CDH4: variants seen among roughly 807,000 people sequenced by gnomAD.
CDH4 encodes the protein cadherin 4, also known as cadherin-4.
Under a neutral mutation model 86.0 loss-of-function variants are expected in CDH4, and 33 were observed. That is an observed-to-expected ratio of 0.38 (90% CI 0.29 to 0.51). The LOEUF is 0.51. Among genes scored for constraint, CDH4 ranks in the 20% least tolerant of loss-of-function variants. The probability of loss-of-function intolerance (pLI) is 0.86; values close to 1 mark genes in which losing one functional copy is unlikely to be tolerated. For missense variants in CDH4, 1,114 were observed against 1,307.4 expected (o/e 0.85, Z 2.28); for synonymous variants, 555 against 549.4 (o/e 1.01, Z -0.14).
At position 61,846,118 on chromosome 20, in the gene CDH4, G is replaced by T. The variant is rs530612008; in HGVS notation, c.732+1295G>T. On this transcript the variant is annotated intron_variant, in intron 5 of 15. Transcript: ENST00000614565. ...CCCCTGAGGCACCGTCTGAAGCAGG[G>T]TCGGAGCTGGATGGATCCTGGGGAG... Among the ~76,000 whole-genome samples the T allele has an allele frequency of 2.0e-5, 3 of 152,356 alleles. No homozygotes were observed. In the East Asian group the frequency reaches 5.8e-4, roughly 29 times the overall value.
Position 61,479,411 on chromosome 20 carries a change from C to G in CDH4, c.169+224474C>G, listed in dbSNP as rs1247794496. Among the ~76,000 whole-genome samples, 3 of 142,896 alleles carry G rather than the reference C, an allele frequency of 2.1e-5. No homozygotes were observed. The Admixed American group carries it at 2.2e-4, about 10-fold the overall frequency. The allele number at this position is 142,896 out of a possible 152,430, so 93.7% of individuals were successfully genotyped here. On this transcript the variant is annotated intron_variant, in intron 2 of 15. Transcript: ENST00000614565. Reference sequence around the variant, plus strand: ...ATTCCCCTTCCTGTGTCCATGTGTTCTCATTGTTCAATTCCCACCTATGAG... The same window carrying G: ...ATTCCCCTTCCTGTGTCCATGTGTTGTCATTGTTCAATTCCCACCTATGAG...
At chr20:61,574,648 G>A (rs2086369087) in intron 2 of CDH4, among the ~76,000 whole-genome samples, 1 of 152,194 alleles carries the variant, frequency 6.6e-6, no homozygotes, top group African/African-American at 2.4e-5. Flanking sequence ...CACTGAGAAG[G>A]TGCCACCTCC....
intron 2 of CDH4, among the ~76,000 whole-genome samples, chr20:61,740,005 C>A (rs1424337650): frequency 6.6e-6 from 1 of 152,202 alleles, no homozygotes; most frequent in African/African-American, 2.4e-5. Context: ...TACATGGGCA[C>A]TTTTCTGTTG....
At chr20:61,253,169 C>A (rs1237855804) in intron 1 of CDH4, among the ~76,000 whole-genome samples, 2 of 151,324 alleles carry the variant, frequency 1.3e-5, no homozygotes, top group Admixed American at 1.3e-4. Flanking sequence ...CTCTCACCCC[C>A]GAGCCCTCGG....
chr20:61,868,234 G>A (rs1296261540), intron 6 of CDH4, among the ~76,000 whole-genome samples: 1 of 152,212 alleles, frequency 6.6e-6, no homozygotes, highest in Non-Finnish European at 1.5e-5. Flanking sequence ...CCCCTTCCCA[G>A]GGCGGGCATC....
intron 2 of CDH4, among the ~76,000 whole-genome samples, chr20:61,581,373 G>A (rs1430569458): frequency 6.6e-6 from 1 of 152,194 alleles, no homozygotes. Flanking sequence ...AGAGGGTCAG[G>A]AGGGATGGCT....
intron 2 of CDH4, among the ~76,000 whole-genome samples, chr20:61,456,808 TTA>T (rs2085409279): frequency 2.0e-5 from 3 of 152,134 alleles, no homozygotes; most frequent in African/African-American, 7.2e-5. Flanking sequence ...ATTAGTATGA[TTA>T]TATGTGCTTA....
chr20:61,498,889 C>T (rs943276905), intron 2 of CDH4, among the ~76,000 whole-genome samples: 13 of 152,212 alleles, frequency 8.5e-5, no homozygotes, highest in Non-Finnish European at 1.6e-4. Context: ...TAGCCCTTTA[C>T]TCCAGCTGTC....
intron 2 of CDH4, among the ~76,000 whole-genome samples, chr20:61,423,882 C>T (rs2085194195): frequency 6.7e-6 from 1 of 149,988 alleles, no homozygotes; most frequent in Non-Finnish European, 1.5e-5. Flanking sequence ...GCGGCATCCT[C>T]AGCCTCATAC....
chr20:61,469,302 G>A (rs2145566970), intron 2 of CDH4, among the ~76,000 whole-genome samples: 1 of 152,310 alleles, frequency 6.6e-6, no homozygotes, highest in East Asian at 1.9e-4. Flanking sequence ...GCATTTCTGT[G>A]ATGAGCAGTG....
rs573165661 is a variant in CDH4, at chr20:61,484,430, C to T, written c.169+229493C>T. 9.2e-5 allele frequency among the ~76,000 whole-genome samples: 14 copies of T among 152,328 alleles called. No individual in the cohort carries two copies. In the South Asian group the frequency reaches 1.9e-3, roughly 20 times the overall value. On this transcript the variant is annotated intron_variant, in intron 2 of 15. Coordinates refer to ENST00000614565, the MANE Select transcript of CDH4 (RefSeq NM_001794.5). ...ATATCTGCAGTGCCCTCACTGGGCACGAGCTGCATCGCTGTTTCTCCAGCC... is the reference window on the plus strand; with the variant it reads ...ATATCTGCAGTGCCCTCACTGGGCATGAGCTGCATCGCTGTTTCTCCAGCC...
intron 8 of CDH4, 103 bp downstream of exon 8, chr20:61,895,150 C>A: frequency 1.4e-6 from 2 of 1,387,132 alleles, no homozygotes; most frequent in Non-Finnish European, 9.9e-7. Flanking sequence ...GCCTGACGGG[C>A]ACTTGGCAGA....
chr20:61,740,705 C>T (rs2088322221), intron 2 of CDH4: 1 of 152,356 alleles, frequency 6.6e-6, no homozygotes, highest in Non-Finnish European at 1.5e-5. Context: ...CCAGTGACAA[C>T]TCCTGTTTTC....
intron 2 of CDH4, among the ~76,000 whole-genome samples, chr20:61,686,649 G>A (rs934934562): frequency 2.0e-5 from 3 of 150,626 alleles, no homozygotes; most frequent in Admixed American, 1.3e-4. Context: ...GTGCATTCGC[G>A]TGTGTGCATT....
At chr20:61,493,547 A>G (rs1600710944) in intron 2 of CDH4, among the ~76,000 whole-genome samples, 1 of 152,234 alleles carries the variant, frequency 6.6e-6, no homozygotes, top group East Asian at 1.9e-4. Flanking sequence ...CTTCTCCTTC[A>G]CAATGGCTGG....
intron 3 of CDH4, among the ~76,000 whole-genome samples, chr20:61,757,209 G>A (rs529029720): frequency 2.6e-5 from 4 of 151,736 alleles, no homozygotes; most frequent in Admixed American, 6.6e-5. Flanking sequence ...ATCTCCACGC[G>A]TGTTTCTCCA....
At chr20:61,841,010 C>T (rs1001315788) in intron 4 of CDH4, among the ~76,000 whole-genome samples, 1 of 152,260 alleles carries the variant, frequency 6.6e-6, no homozygotes, top group East Asian at 1.9e-4. Context: ...CATTAAATTT[C>T]CCTATGAAAG....
At chr20:61,321,776 C>T (rs2084509785) in intron 2 of CDH4, among the ~76,000 whole-genome samples, 1 of 152,174 alleles carries the variant, frequency 6.6e-6, no homozygotes, top group Non-Finnish European at 1.5e-5. Context: ...CAACAGATGA[C>T]TTAGTTTCCA....
chr20:61,370,865 T>C (rs2084836258), intron 2 of CDH4: 1 of 151,518 alleles, frequency 6.6e-6, no homozygotes, highest in African/African-American at 2.5e-5. Context: ...AGCTCACTGA[T>C]GAACGAGCCT....
Sources: gnomAD v4.1 joint callset for allele counts (sites outside exome capture counted in the v4.1 genomes callset) on GRCh38, gnomAD v4.1.1 for gene constraint, MANE v1.5 for transcripts, NCBI Gene and HGNC (gene_info 2026-07-23, HGNC 2026-07-21) for gene names.